Variants in SPACA7 observed in about 807,000 individuals in gnomAD.
The protein encoded by SPACA7 is sperm acrosome-associated protein 7.
In SPACA7, 19 loss-of-function variants were observed where a neutral mutation model predicts 26.3. That is an observed-to-expected ratio of 0.72 (90% confidence interval 0.50 to 1.06). The LOEUF (loss-of-function observed/expected upper bound fraction) is 1.06. Ranked by LOEUF, SPACA7 falls within the 50% of genes least tolerant of loss-of-function variation. The pLI, the probability that SPACA7 is intolerant of heterozygous loss-of-function variation, is 0.00. For missense variants in SPACA7, 211 were observed against 229.9 expected, an observed-to-expected ratio of 0.92 and a Z score of 0.53; for synonymous variants, 84 against 84.5, an observed-to-expected ratio of 0.99 and a Z score of 0.04.
chr13:112,383,026 A>AAGAGAGAGAGAGAGAGAGAG (rs1555324355), intron 1 of SPACA7, among the ~76,000 whole-genome samples: 5 of 95,220 alleles, frequency 5.3e-5, no homozygotes, highest in Non-Finnish European at 7.4e-5. Context: ...GAAAGAAAGA[A>AAGAGAGAGAGAGAGAGAGAG]AGAGAGAGAG....
intron 1 of SPACA7, among the ~76,000 whole-genome samples, chr13:112,391,909 CCTTTTT>C (rs1202391542): frequency 1.3e-5 from 2 of 152,158 alleles, no homozygotes; most frequent in Non-Finnish European, 2.9e-5. Context: ...ACATCTCAGA[CCTTTTT>C]GCATATTTTC....
At chr13:112,424,182 A>T (rs1170918741) in intron 5 of SPACA7, among the ~76,000 whole-genome samples, 5 of 152,344 alleles carry the variant, frequency 3.3e-5, no homozygotes, top group South Asian at 4.1e-4. Flanking sequence ...ACCGCATGTG[A>T]CCAGCACTGC....
chr13:112,433,629 C>T lies in SPACA7; in HGVS notation c.524-856C>T, dbSNP rs549407340. 8.6e-4 allele frequency among the ~76,000 whole-genome samples: 122 copies of T among 141,490 alleles called. 10 individuals are homozygous for T. The South Asian group carries it at 0.027, about 31-fold the overall frequency. The allele number at this position is 141,490 out of a possible 152,430, so 92.8% of individuals were successfully genotyped here. A position where few individuals can be genotyped will look rare whatever the true frequency, so the allele number is the denominator to read the frequency against. ...CGGTCCCGGGAAACGTCGCTGGAGACGACCTCCCTGCTGCATGAGTTGTCA... is the reference window on the plus strand; with the variant it reads ...CGGTCCCGGGAAACGTCGCTGGAGATGACCTCCCTGCTGCATGAGTTGTCA... On this transcript the variant is annotated intron_variant, in intron 6 of 6. Transcript: ENST00000283550.
intron 1 of SPACA7, chr13:112,378,728 G>A (rs144782895): frequency 2.1e-6 from 1 of 471,196 alleles, no homozygotes; most frequent in African/African-American, 2.0e-5. Flanking sequence ...GAGCCAGGTA[G>A]CAGGTCAGTT....
rs59840359 is a variant in SPACA7, at chr13:112,383,046, C to G, written c.94+6567C>G. Among the ~76,000 whole-genome samples, 208 of 22,968 alleles carry G rather than the reference C, an allele frequency of 9.1e-3. 4 individuals carry two copies. The highest frequency in any genetic ancestry group is 0.021 in the African/African-American group (83 of 4,036). The allele number at this position is 22,968 out of a possible 152,430, so 15.1% of individuals were successfully genotyped here. A position where few individuals can be genotyped will look rare whatever the true frequency, so the allele number is the denominator to read the frequency against. On this transcript the variant is annotated intron_variant, in intron 1 of 6. Coordinates refer to ENST00000283550, the MANE Select transcript of SPACA7 (RefSeq NM_145248.5). ...AAAGAAAGAGAGAGAGAGAGAAAGA[C>G]AGAAGGAAAGAAAGAGACAGAAAGA...
chr13:112,425,305 T>C (rs907300975), intron 5 of SPACA7, among the ~76,000 whole-genome samples: 71 of 152,310 alleles, frequency 4.7e-4, no homozygotes, highest in African/African-American at 1.6e-3. Context: ...TTCTCCATGT[T>C]TACTGATGGC....
At chr13:112,376,595 CTTGG>C in intron 1 of SPACA7, 116 bp downstream of exon 1, 3 of 1,119,556 alleles carry the variant, frequency 2.7e-6, no homozygotes, top group Non-Finnish European at 3.7e-6. Context: ...CCATTTATTC[CTTGG>C]GGAATGAATG....
chr13:112,396,477 T>C (rs1053117775), intron 2 of SPACA7, among the ~76,000 whole-genome samples: 6 of 152,178 alleles, frequency 3.9e-5, no homozygotes, highest in African/African-American at 9.7e-5. Flanking sequence ...TGCTGCCTCC[T>C]GGACATGGCT....
intron 1 of SPACA7, among the ~76,000 whole-genome samples, chr13:112,391,528 G>A (rs567672125): frequency 1.3e-5 from 2 of 152,326 alleles, no homozygotes; most frequent in South Asian, 2.1e-4. Flanking sequence ...GCGTGTGCAC[G>A]ATGTAAATAT....
chr13:112,386,096 C>T (rs948873325), intron 1 of SPACA7, among the ~76,000 whole-genome samples: 1 of 152,228 alleles, frequency 6.6e-6, no homozygotes, highest in Non-Finnish European at 1.5e-5. Context: ...CGGGAGAAGA[C>T]AGTGCAATGC....
intron 1 of SPACA7, among the ~76,000 whole-genome samples, chr13:112,388,645 G>T (rs1260529717): frequency 6.6e-6 from 1 of 152,358 alleles, no homozygotes; most frequent in African/African-American, 2.4e-5. Flanking sequence ...CACCCAAGGG[G>T]TTCACTTTGC....
intron 4 of SPACA7, among the ~76,000 whole-genome samples, chr13:112,399,979 A>G (rs2138954833): frequency 6.6e-6 from 1 of 152,290 alleles, no homozygotes; most frequent in African/African-American, 2.4e-5. Context: ...TCATGAGAAC[A>G]GCAAGGAGCA....
At chr13:112,424,371 C>T (rs1180301693) in intron 5 of SPACA7, among the ~76,000 whole-genome samples, 1 of 152,196 alleles carries the variant, frequency 6.6e-6, no homozygotes, top group Admixed American at 6.5e-5. Context: ...GGCTTCCCTG[C>T]AGGAGTCTGT....
intron 5 of SPACA7, among the ~76,000 whole-genome samples, chr13:112,431,856 A>C (rs867651757): frequency 2.0e-5 from 3 of 152,162 alleles, no homozygotes; most frequent in Non-Finnish European, 4.4e-5. Flanking sequence ...GGAGCCTCCC[A>C]CCCAACAGCT....
At chr13:112,417,669 G>T (rs1206785179) in intron 5 of SPACA7, among the ~76,000 whole-genome samples, 1 of 151,960 alleles carries the variant, frequency 6.6e-6, no homozygotes, top group East Asian at 1.9e-4. Flanking sequence ...TTCTTTCTCT[G>T]TAGCCCTTTC....
At chr13:112,390,733 C>T (rs951915345) in intron 1 of SPACA7, among the ~76,000 whole-genome samples, 1 of 152,208 alleles carries the variant, frequency 6.6e-6, no homozygotes, top group African/African-American at 2.4e-5. Context: ...CTCAGGAAAA[C>T]TCACTATCAC....
chr13:112,392,780 C>T (rs1319112962), intron 1 of SPACA7, among the ~76,000 whole-genome samples: 1 of 152,118 alleles, frequency 6.6e-6, no homozygotes, highest in Non-Finnish European at 1.5e-5. Flanking sequence ...GACAATTGTC[C>T]TCCATCCTCA....
intron 5 of SPACA7, among the ~76,000 whole-genome samples, chr13:112,430,874 A>C (rs546858508): frequency 6.6e-6 from 1 of 152,262 alleles, no homozygotes; most frequent in Admixed American, 6.5e-5. Context: ...GATGAATTAC[A>C]TATGTTTCCA....
Position 112,378,718 on chromosome 13 carries a change from G to A in SPACA7, c.94+2239G>A, listed in dbSNP as rs201431386. The A allele has an allele frequency of 3.8e-5, 18 of 471,210 alleles. No individual in the cohort carries two copies. The East Asian group carries it at 6.3e-4, about 16-fold the overall frequency. 29.2% of individuals were successfully genotyped at this position (471,210 alleles called of 1,614,324 possible). ...CTCACCTGTGGGATGGGGACCCGGT[G>A]AGCCAGGTAGCAGGTCAGTTTCTCC... On this transcript the variant is annotated intron_variant, in intron 1 of 6. Coordinates refer to ENST00000283550, the MANE Select transcript of SPACA7 (RefSeq NM_145248.5).
Sources: gnomAD v4.1 joint callset for allele counts (sites outside exome capture counted in the v4.1 genomes callset) on GRCh38, gnomAD v4.1.1 for gene constraint, MANE v1.5 for transcripts, NCBI Gene and HGNC (gene_info 2026-07-23, HGNC 2026-07-21) for gene names.